The following PIBF1 variants were observed in gnomAD, a reference collection of about 807,000 sequenced individuals.
PIBF1 encodes progesterone immunomodulatory binding factor 1, also known as progesterone-induced-blocking factor 1.
PIBF1 carries 90 observed loss-of-function variants against 112.5 expected under a neutral mutation model. The ratio of observed to expected loss-of-function variants is 0.80; its 90% CI spans 0.67 to 0.95. The LOEUF (loss-of-function observed/expected upper bound fraction) is 0.95, where lower values mean the gene tolerates loss of function less well. PIBF1 is among the 40% of genes least tolerant of loss of function. PIBF1 has a pLI of 0.00. For missense variants in PIBF1, 915 were observed against 852.3 expected (o/e 1.07, Z -0.92); for synonymous variants, 301 against 288.6 (o/e 1.04, Z -0.44).
At chr13:72,868,317 A>AG (rs1169549463) in intron 10 of PIBF1, among the ~76,000 whole-genome samples, 1 of 151,596 alleles carries the variant, frequency 6.6e-6, no homozygotes, top group Non-Finnish European at 1.5e-5. Flanking sequence ...AAAAAAGAAA[A>AG]AAAAAAAAAA....
chr13:72,930,101 C>T lies in PIBF1; in HGVS notation c.1731-1064C>T, dbSNP rs142879519. On this transcript the variant is annotated intron_variant, in intron 13 of 17. Coordinates refer to ENST00000326291, the MANE Select transcript of PIBF1 (RefSeq NM_006346.4). ...TCTTGAATTCCTGGCCTCAAGTGAT[C>T]CTCCTGCCTCAGCCTCCCAGAGTGC... 5.3e-3 allele frequency among the ~76,000 whole-genome samples: 814 copies of T among 152,242 alleles called. 15 individuals are homozygous for T. Among genetic ancestry groups the T allele is most frequent in the African/African-American group, 0.018 (764 of 41,544 alleles).
intron 10 of PIBF1, among the ~76,000 whole-genome samples, chr13:72,869,011 G>A (rs1177791004): frequency 6.6e-6 from 1 of 152,078 alleles, no homozygotes; most frequent in Non-Finnish European, 1.5e-5. Flanking sequence ...CTTTTACACT[G>A]TTGGTGGGAC....
At chr13:72,965,137 C>A in intron 14 of PIBF1, 137 bp from the exon 15 acceptor site, 1 of 742,648 alleles carries the variant, frequency 1.3e-6, no homozygotes, top group Non-Finnish European at 2.2e-6. Context: ...TTAAAACCTT[C>A]AAATTTACAC....
Position 72,849,492 on chromosome 13 carries a change from T to C in PIBF1, c.1224-4565T>C, listed in dbSNP as rs188165513. On this transcript the variant is annotated intron_variant, in intron 9 of 17. Coordinates refer to ENST00000326291, the MANE Select transcript of PIBF1 (RefSeq NM_006346.4). ...TTTAACATTTGAAATGGATTACTTA[T>C]TATATGAAAGTTATTGTCTTATCTG... Among the ~76,000 whole-genome samples, 20 of 152,358 alleles carry C rather than the reference T, an allele frequency of 1.3e-4. 1 individual carries two copies. In the East Asian group the frequency reaches 3.7e-3, roughly 28 times the overall value.
At chr13:72,984,479 G>T (rs1269436987) in intron 16 of PIBF1, among the ~76,000 whole-genome samples, 1 of 152,132 alleles carries the variant, frequency 6.6e-6, no homozygotes, top group Non-Finnish European at 1.5e-5. Context: ...AATAATAAGT[G>T]TGTTTAATAT....
At chr13:72,889,295 A>C (rs1040294817) in intron 10 of PIBF1, among the ~76,000 whole-genome samples, 1 of 152,194 alleles carries the variant, frequency 6.6e-6, no homozygotes, top group African/African-American at 2.4e-5. Flanking sequence ...CCAAAGACTG[A>C]ATGTATCTGG....
In PIBF1 at chr13:72,797,948, C is replaced by T. The variant is rs755347378; in HGVS notation, c.594C>T (p.Ile198=). The T allele has an allele frequency of 1.4e-5, 22 of 1,607,344 alleles. No individual in the cohort carries two copies. The highest frequency in any genetic ancestry group is 1.9e-5 in the Non-Finnish European group (22 of 1,177,136). ...YELVNPLRKE[I]CELQVKKNIL... is the part of the protein sequence containing the mutation. ...TAGTGAATCCATTAAGAAAGGAAAT[C>T]TGTGAACTACAAGTGAAAAAGAATA... Residue 198 remains isoleucine, a synonymous_variant, in exon 5 of 18, where the codon ATC becomes ATT. Transcript: ENST00000326291.
At chr13:72,944,128 A>G (rs949795810) in intron 14 of PIBF1, among the ~76,000 whole-genome samples, 5 of 152,186 alleles carry the variant, frequency 3.3e-5, no homozygotes. Flanking sequence ...GAATTGGAGT[A>G]AATAATGATT....
At chr13:73,011,245 G>A (rs1445337481) in intron 17 of PIBF1, among the ~76,000 whole-genome samples, 6 of 152,156 alleles carry the variant, frequency 3.9e-5, no homozygotes, top group African/African-American at 7.2e-5. Flanking sequence ...CCCATGGATG[G>A]GAACCAGTGC....
At chr13:73,012,030 C>G (rs1186950719) in intron 17 of PIBF1, among the ~76,000 whole-genome samples, 1 of 152,098 alleles carries the variant, frequency 6.6e-6, no homozygotes, top group Admixed American at 6.6e-5. Context: ...AGGAGAAATA[C>G]TAGAGATCAA....
chr13:72,888,284 T>C (rs1269744054), intron 10 of PIBF1, among the ~76,000 whole-genome samples: 1 of 152,086 alleles, frequency 6.6e-6, no homozygotes, highest in Non-Finnish European at 1.5e-5. Flanking sequence ...AAGATAATAT[T>C]GGGGGAAGGA....
At chr13:72,913,208 C>T (rs1016259546) in intron 12 of PIBF1, among the ~76,000 whole-genome samples, 4 of 151,910 alleles carry the variant, frequency 2.6e-5, no homozygotes, top group African/African-American at 9.7e-5. Context: ...GTGTTAAACA[C>T]ATGTCTGTAC....
chr13:72,829,165 A>T (rs2036977087), intron 8 of PIBF1, among the ~76,000 whole-genome samples: 1 of 152,124 alleles, frequency 6.6e-6, no homozygotes, highest in Admixed American at 6.6e-5. Context: ...TTCTTTGTAG[A>T]TTCTGGATAT....
intron 13 of PIBF1, among the ~76,000 whole-genome samples, chr13:72,926,386 T>G (rs2041484652): frequency 6.6e-6 from 1 of 152,168 alleles, no homozygotes; most frequent in Non-Finnish European, 1.5e-5. Flanking sequence ...TTAAGATAAT[T>G]TAACATTAAA....
At chr13:72,793,031 A>G (rs527573766) in intron 3 of PIBF1, among the ~76,000 whole-genome samples, 1 of 152,342 alleles carries the variant, frequency 6.6e-6, no homozygotes, top group East Asian at 1.9e-4. Context: ...AAAAGGAACT[A>G]AAAAAATTAT....
At chr13:72,789,963 TATTG>T (rs2138365972) in intron 2 of PIBF1, among the ~76,000 whole-genome samples, 1 of 152,348 alleles carries the variant, frequency 6.6e-6, no homozygotes, top group South Asian at 2.1e-4. Flanking sequence ...TTACATTTTA[TATTG>T]ATTTATTTAT....
intron 10 of PIBF1, among the ~76,000 whole-genome samples, chr13:72,855,821 C>T (rs1383335788): frequency 6.6e-6 from 1 of 152,074 alleles, no homozygotes; most frequent in Non-Finnish European, 1.5e-5. Context: ...ATTCATTTGA[C>T]TTTGTGTTGA....
intron 10 of PIBF1, among the ~76,000 whole-genome samples, chr13:72,863,612 C>G: frequency 6.7e-6 from 1 of 148,458 alleles, no homozygotes; most frequent in Non-Finnish European, 1.5e-5. Flanking sequence ...GAGCAGAGAT[C>G]TCGCCAATGC....
chr13:72,963,180 G>A (rs1030092777), intron 14 of PIBF1, among the ~76,000 whole-genome samples: 1 of 152,172 alleles, frequency 6.6e-6, no homozygotes, highest in Non-Finnish European at 1.5e-5. Context: ...GGTATAAAAT[G>A]CATAGAAGAA....
Sources: gnomAD v4.1 joint callset for allele counts (sites outside exome capture counted in the v4.1 genomes callset) on GRCh38, gnomAD v4.1.1 for gene constraint, MANE v1.5 for transcripts, NCBI Gene and HGNC (gene_info 2026-07-23, HGNC 2026-07-21) for gene names.